The following TTLL11 variants were observed in gnomAD, a reference collection of about 807,000 sequenced individuals.
The protein encoded by TTLL11 is tubulin polyglutamylase TTLL11.
Under a neutral mutation model 51.7 loss-of-function variants are expected in TTLL11, and 42 were observed. The ratio of observed to expected loss-of-function variants is 0.81; its 90% CI spans 0.64 to 1.05. The LOEUF is 1.05. TTLL11 is among the 50% of genes least tolerant of loss of function. TTLL11 has a pLI of 0.00. For missense variants in TTLL11, 799 were observed against 940.4 expected, an observed-to-expected ratio of 0.85 and a Z score of 1.97; for synonymous variants, 381 against 383.5, an observed-to-expected ratio of 0.99 and a Z score of 0.08.
intron 3 of TTLL11, 45 bp downstream of exon 3, chr9:122,031,678 A>C (rs752991793): frequency 1.3e-6 from 2 of 1,599,304 alleles, no homozygotes; most frequent in Non-Finnish European, 1.7e-6. Context: ...ACACAGTTGC[A>C]AGCATAATAT....
intron 8 of TTLL11, among the ~76,000 whole-genome samples, chr9:121,840,377 G>A (rs1837314585): frequency 6.6e-6 from 1 of 152,036 alleles, no homozygotes; most frequent in Non-Finnish European, 1.5e-5. Flanking sequence ...CAAGTGACTT[G>A]TTCAAGATCA....
At chr9:122,020,705 T>C (rs188540490) in intron 3 of TTLL11, among the ~76,000 whole-genome samples, 3 of 152,330 alleles carry the variant, frequency 2.0e-5, no homozygotes, top group East Asian at 1.9e-4. Context: ...AATTAGAGCA[T>C]GGAGGTGGAC....
chr9:121,890,546 C>G lies in TTLL11; in HGVS notation c.1482-19798G>C, dbSNP rs775663687. On this transcript the variant is annotated intron_variant, in intron 6 of 8. Coordinates refer to ENST00000321582, the MANE Select transcript of TTLL11 (RefSeq NM_001139442.2). This position sits in a 1 kb window ranked among gnomAD's most constrained non-coding sequence, Gnocchi z 4.3. ...CTTACAAGTGCAGCCCACAATCTTC[C>G]CAGCCCTCCAGAGCTCTCCCTGCTT... 9.2e-5 allele frequency among the ~76,000 whole-genome samples: 14 copies of G among 152,194 alleles called. No homozygotes were observed. The highest frequency in any genetic ancestry group is 1.6e-4 in the Non-Finnish European group (11 of 68,038).
At chr9:122,040,505 A>AT in intron 1 of TTLL11, 1 of 713,478 alleles carries the variant, frequency 1.4e-6, no homozygotes, top group Non-Finnish European at 1.7e-6. Flanking sequence ...AAGAGAGGCC[A>AT]TGTTAGTTCA....
At chr9:122,068,031 T>C (rs1351652275) in intron 1 of TTLL11, among the ~76,000 whole-genome samples, 2 of 152,218 alleles carry the variant, frequency 1.3e-5, no homozygotes, top group African/African-American at 2.4e-5. Context: ...GATATGGTCA[T>C]TGCAGCTTTA....
chr9:121,846,704 T>C (rs1204250518), intron 8 of TTLL11, among the ~76,000 whole-genome samples: 1 of 152,046 alleles, frequency 6.6e-6, no homozygotes, highest in Admixed American at 6.5e-5. Context: ...CAAAAAAATC[T>C]CAAAAGATAT....
intron 8 of TTLL11, among the ~76,000 whole-genome samples, chr9:121,830,243 G>T (rs188312642): frequency 2.5e-4 from 38 of 152,332 alleles, no homozygotes; most frequent in African/African-American, 8.9e-4. Flanking sequence ...TTATGAAACC[G>T]CAATGATCCA....
intron 8 of TTLL11, among the ~76,000 whole-genome samples, chr9:121,846,221 C>T (rs1470607925): frequency 6.6e-6 from 1 of 152,090 alleles, no homozygotes; most frequent in Non-Finnish European, 1.5e-5. Flanking sequence ...GGACAATTCT[C>T]CAAGGAGACA....
chr9:121,906,094 A>T (rs570773492), intron 6 of TTLL11, among the ~76,000 whole-genome samples: 1 of 152,220 alleles, frequency 6.6e-6, no homozygotes, highest in Non-Finnish European at 1.5e-5. Flanking sequence ...GGAGTATGGG[A>T]AACTGGAAGT....
At chr9:121,897,691 A>G (rs554916947) in intron 6 of TTLL11, among the ~76,000 whole-genome samples, 1 of 147,622 alleles carries the variant, frequency 6.8e-6, no homozygotes, top group South Asian at 2.2e-4. Context: ...CAATTGCAGG[A>G]GAGCCCTTAA....
Position 121,989,058 on chromosome 9 carries a change from A to G in TTLL11, c.1269+137T>C. 6.6e-7 allele frequency: 1 copy of G among 1,506,432 alleles called. No individual in the cohort carries two copies. 93.3% of individuals were successfully genotyped at this position (1,506,432 alleles called of 1,614,324 possible). A position where few individuals can be genotyped will look rare whatever the true frequency, so the allele number is the denominator to read the frequency against. On this transcript the variant is annotated intron_variant, in intron 4 of 8. Transcript: ENST00000321582. This position sits in a 1 kb window ranked among gnomAD's most constrained non-coding sequence, Gnocchi z 4.2. Reference sequence around the variant, plus strand: ...CTTGGAAGTTGGGCCCAGGTTTAACACCCAAGCCCACAGCACCACCAACAC... The same window carrying G: ...CTTGGAAGTTGGGCCCAGGTTTAACGCCCAAGCCCACAGCACCACCAACAC...
At chr9:121,826,973 G>A (rs1836829926) in intron 8 of TTLL11, among the ~76,000 whole-genome samples, 1 of 152,060 alleles carries the variant, frequency 6.6e-6, no homozygotes, top group Non-Finnish European at 1.5e-5. Flanking sequence ...AACCCAGAGA[G>A]CACCGGTGGT....
intron 6 of TTLL11, among the ~76,000 whole-genome samples, chr9:121,894,960 G>A (rs1480515029): frequency 6.6e-6 from 1 of 151,146 alleles, no homozygotes. Context: ...ACGTTAAGAT[G>A]GGAGAATTCA....
At chr9:122,007,969 T>C (rs1456944327) in intron 3 of TTLL11, among the ~76,000 whole-genome samples, 1 of 152,118 alleles carries the variant, frequency 6.6e-6, no homozygotes, top group African/African-American at 2.4e-5. Context: ...CAGAAGGACA[T>C]CATGTGCCTC....
At chr9:122,080,769 G>T (rs1362720338) in intron 1 of TTLL11, among the ~76,000 whole-genome samples, 12 of 151,918 alleles carry the variant, frequency 7.9e-5, no homozygotes, top group Admixed American at 5.2e-4. Flanking sequence ...TTTTAATAGA[G>T]GGTTCAATCT....
At chr9:122,054,289 G>GA (rs964930595) in intron 1 of TTLL11, among the ~76,000 whole-genome samples, 2 of 151,836 alleles carry the variant, frequency 1.3e-5, no homozygotes, top group Non-Finnish European at 2.9e-5. Flanking sequence ...CAATGGGGAG[G>GA]AAAAAAACCC....
At chr9:121,997,955 C>A (rs1843329556) in intron 3 of TTLL11, among the ~76,000 whole-genome samples, 1 of 152,202 alleles carries the variant, frequency 6.6e-6, no homozygotes, top group Non-Finnish European at 1.5e-5. Flanking sequence ...CCTCGTCTCC[C>A]TGGCCCACAG....
chr9:121,975,714 A>AAAAC (rs897749634), intron 4 of TTLL11, among the ~76,000 whole-genome samples: 56 of 152,176 alleles, frequency 3.7e-4, no homozygotes, highest in African/African-American at 1.2e-3. Flanking sequence ...TGTGTCTCAA[A>AAAAC]AAACAAACAA....
chr9:121,893,670 T>TGG (rs1564291575), intron 6 of TTLL11, among the ~76,000 whole-genome samples: 12 of 152,118 alleles, frequency 7.9e-5, no homozygotes, highest in African/African-American at 2.9e-4. Context: ...TGCTATCCCA[T>TGG]TCCTCTGCCT....
Sources: gnomAD v4.1 joint callset for allele counts (sites outside exome capture counted in the v4.1 genomes callset) on GRCh38, gnomAD v4.1.1 for gene constraint, Gnocchi (gnomAD v3.1) non-coding constraint, MANE v1.5 for transcripts, NCBI Gene and HGNC (gene_info 2026-07-23, HGNC 2026-07-21) for gene names.